ABCC1: variants seen among roughly 807,000 people sequenced by gnomAD.
ABCC1 encodes ATP binding cassette subfamily C member 1 (ABCC1 blood group), also known as multidrug resistance-associated protein 1.
A neutral mutation model predicts 172.9 loss-of-function variants in ABCC1; 83 were observed. The observed-to-expected ratio is 0.48, with a 90% CI of 0.40 to 0.58. The LOEUF (loss-of-function observed/expected upper bound fraction) is 0.58, where lower values mean the gene tolerates loss of function less well. ABCC1 is among the 20% of genes least tolerant of loss of function. The probability of loss-of-function intolerance (pLI) is 0.00; values close to 1 mark genes in which losing one functional copy is unlikely to be tolerated. For synonymous variants in ABCC1, 937 were observed against 825.2 expected, an observed-to-expected ratio of 1.14 and a Z score of -2.32; for missense variants, 1,817 against 2,002.7, an observed-to-expected ratio of 0.91 and a Z score of 1.77.
rs142359868 is a variant in ABCC1 at position 15,981,209 on chromosome 16, C to T, written c.49-26607C>T. On this transcript the variant is annotated intron_variant, in intron 1 of 30. Coordinates refer to ENST00000399410, the MANE Select transcript of ABCC1 (RefSeq NM_004996.4). Reference sequence around the variant, plus strand: ...TGAGTCTGCGGCTTTTCCAGGTGCACGGTGCAAGCTGTCCATGGATCTACC... The same window carrying T: ...TGAGTCTGCGGCTTTTCCAGGTGCATGGTGCAAGCTGTCCATGGATCTACC... 1.0e-3 allele frequency among the ~76,000 whole-genome samples: 152 copies of T among 152,328 alleles called. 3 individuals carry two copies. The highest frequency in any genetic ancestry group is 2.2e-3 in the African/African-American group (93 of 41,578).
At position 16,007,804 on chromosome 16, in the gene ABCC1, T is replaced by C; in HGVS notation, c.49-12T>C. ...TGTCCTGCTGACCCCTCGCCTGTGT[T>C]TGTGTTCGCAGGACTGGAATGTCAC... On this transcript the variant is annotated splice_polypyrimidine_tract_variant and intron_variant, in intron 1 of 30. Coordinates refer to ENST00000399410, the MANE Select transcript of ABCC1 (RefSeq NM_004996.4). The C allele has an allele frequency of 6.2e-7, 1 of 1,606,602 alleles. No homozygotes were observed. The highest frequency in any genetic ancestry group is 8.5e-7 in the Non-Finnish European group (1 of 1,176,398).
chr16:15,964,460 C>T (rs1278992499), intron 1 of ABCC1, among the ~76,000 whole-genome samples: 4 of 152,152 alleles, frequency 2.6e-5, no homozygotes, highest in Non-Finnish European at 5.9e-5. Flanking sequence ...CATGATGTCC[C>T]TTCCCTAATA....
chr16:16,118,424 CTTT>C (rs34770208), intron 23 of ABCC1, among the ~76,000 whole-genome samples: 2 of 106,000 alleles, frequency 1.9e-5, no homozygotes, highest in Non-Finnish European at 3.6e-5. Context: ...TTGGTGCCAG[CTTT>C]TTTTTTTTTT....
chr16:16,054,428 C>T (rs1245440103), intron 11 of ABCC1, among the ~76,000 whole-genome samples: 4 of 152,104 alleles, frequency 2.6e-5, no homozygotes, highest in African/African-American at 9.7e-5. Flanking sequence ...CAACCCGGTG[C>T]CTTTTGGTCT....
chr16:16,123,151 C>T lies in ABCC1; in HGVS notation c.3590+977C>T, dbSNP rs543433706. ...CCTGAATGATTACAGACCTTGACTT[C>T]CCTTCAGAATTTTTAGGGAGTTTGT... On this transcript the variant is annotated intron_variant, in intron 24 of 30. Transcript: ENST00000399410. 4.9e-4 allele frequency among the ~76,000 whole-genome samples: 75 copies of T among 152,240 alleles called. No individual in the cohort carries two copies. The South Asian group carries it at 0.015, about 31-fold the overall frequency.
intron 12 of ABCC1, among the ~76,000 whole-genome samples, chr16:16,062,800 G>C (rs867834311): frequency 6.6e-6 from 1 of 152,192 alleles, no homozygotes; most frequent in Admixed American, 6.5e-5. Flanking sequence ...CACAGAGGCC[G>C]GGGAAGGCCA....
chr16:16,004,942 G>A (rs111752535), intron 1 of ABCC1, among the ~76,000 whole-genome samples: 1,797 of 152,080 alleles, frequency 0.012, 42 homozygotes, highest in African/African-American at 0.042. Flanking sequence ...TGGGATTACA[G>A]GCATGAGCCA....
At chr16:16,108,001 CCTTAA>C (rs1219564825) in intron 21 of ABCC1, among the ~76,000 whole-genome samples, 2 of 151,922 alleles carry the variant, frequency 1.3e-5, no homozygotes, top group Non-Finnish European at 2.9e-5. Flanking sequence ...CTGGCTTCTT[CCTTAA>C]CTTGTCATCA....
At chr16:16,051,999 G>A (rs2049449686) in intron 10 of ABCC1, among the ~76,000 whole-genome samples, 1 of 152,166 alleles carries the variant, frequency 6.6e-6, no homozygotes, top group South Asian at 2.1e-4. Flanking sequence ...GGGAGGCAGA[G>A]GTGGGAAAGT....
rs79966875 is a variant in ABCC1, at chr16:15,961,875, G to C, written c.48+12076G>C. ...TTGGTGTCTATCAAGGTCATTCCCAGTTCCTGGTTTCTTGCTGTGATAAGC... is the reference window on the plus strand; with the variant it reads ...TTGGTGTCTATCAAGGTCATTCCCACTTCCTGGTTTCTTGCTGTGATAAGC... On this transcript the variant is annotated intron_variant, in intron 1 of 30. Transcript: ENST00000399410. 8.6e-5 allele frequency among the ~76,000 whole-genome samples: 13 copies of C among 150,356 alleles called. No homozygotes were observed. In the East Asian group the frequency reaches 2.5e-3, roughly 29 times the overall value.
At chr16:15,957,155 C>T (rs2046016241) in intron 1 of ABCC1, among the ~76,000 whole-genome samples, 1 of 151,968 alleles carries the variant, frequency 6.6e-6, no homozygotes, top group South Asian at 2.1e-4. Context: ...CCTCAGCTCA[C>T]TGCAGCCTCA....
At chr16:15,967,266 G>C (rs957954197) in intron 1 of ABCC1, among the ~76,000 whole-genome samples, 1 of 152,118 alleles carries the variant, frequency 6.6e-6, no homozygotes, top group African/African-American at 2.4e-5. Flanking sequence ...CCAAGTTCAG[G>C]AGCCTAGGTT....
At chr16:16,104,117 G>T (rs1474073145) in intron 20 of ABCC1, among the ~76,000 whole-genome samples, 2 of 152,158 alleles carry the variant, frequency 1.3e-5, no homozygotes, top group African/African-American at 4.8e-5. Context: ...CCTTGATGGT[G>T]AGTGTTACAG....
intron 5 of ABCC1, among the ~76,000 whole-genome samples, chr16:16,023,980 A>G (rs973970745): frequency 2.0e-5 from 3 of 152,052 alleles, no homozygotes; most frequent in Non-Finnish European, 4.4e-5. Flanking sequence ...GCACTTTGGG[A>G]GGCCGAGGCA....
At position 16,090,466 on chromosome 16, in the gene ABCC1, T is replaced by C. The variant is rs1462121804; in HGVS notation, c.2522T>C (p.Met841Thr). 1.1e-5 allele frequency: 17 copies of C among 1,613,804 alleles called. No individual in the cohort carries two copies. The highest frequency in any genetic ancestry group is 1.3e-5 in the African/African-American group (1 of 74,958). ...YLPQVDVIIV[M>T]SGGKISEMGS... ...CCGCAGGTGGACGTCATCATCGTCA[T>C]GAGTGGCGGCAAGATCTCTGAGATG... Residue 841 changes from methionine to threonine, a missense_variant, in exon 19 of 31, where the codon ATG becomes ACG. By Grantham distance (81) the Met-to-Thr change is moderately conservative. Transcript: ENST00000399410.
Position 16,087,614 on chromosome 16 carries a change from C to T in ABCC1, c.2460+623C>T, listed in dbSNP as rs139838736. The stretch of plus-strand genomic sequence containing the variant: ...CTGGGATTACAGGTGCCCACCACCA[C>T]GCCTGGCTAATTTTTTTTATTTTTA... On this transcript the variant is annotated intron_variant, in intron 18 of 30. Transcript: ENST00000399410. Among the ~76,000 whole-genome samples the T allele has an allele frequency of 6.1e-3, 927 of 152,234 alleles. 6 individuals are homozygous for T. Among genetic ancestry groups the T allele is most frequent in the Non-Finnish European group, 8.7e-3 (591 of 68,016 alleles).
chr16:16,071,727 A>C lies in ABCC1; in HGVS notation c.1910A>C (p.Asp637Ala). The change falls in exon 14 of 31, where the codon GAC becomes GCC. Residue 637 changes from aspartate (D) to alanine (A), a missense_variant and splice_region_variant. Asp to Ala is a moderately radical substitution (Grantham distance 126). This residue lies in a region of ABCC1 where 1,412 missense variants were observed against 1,600.3 expected (regional missense o/e 0.88). Coordinates refer to ENST00000399410, the MANE Select transcript of ABCC1 (RefSeq NM_004996.4). The part of the protein sequence containing the change: ...PDSIERRPVK[D>A]GGGTNSITVR... ...AGCATCGAGCGACGGCCTGTCAAAG[A>C]CGGTGTGTGTGTGTTCAGTCCTGGC... The C allele has an allele frequency of 6.2e-7, 1 of 1,613,104 alleles. No individual in the cohort carries two copies. The highest frequency in any genetic ancestry group is 8.5e-7 in the Non-Finnish European group (1 of 1,179,628).
intron 1 of ABCC1, among the ~76,000 whole-genome samples, chr16:15,958,731 G>A (rs982995818): frequency 1.3e-5 from 2 of 152,194 alleles, no homozygotes; most frequent in Non-Finnish European, 2.9e-5. Flanking sequence ...CAGCATCCCT[G>A]TGGGTGGAGT....
At chr16:15,952,403 T>A (rs994758137) in intron 1 of ABCC1, among the ~76,000 whole-genome samples, 5 of 151,990 alleles carry the variant, frequency 3.3e-5, no homozygotes, top group Non-Finnish European at 7.4e-5. Flanking sequence ...TCAAGGTCAG[T>A]GGGCCTCGGG....
Sources: gnomAD v4.1 joint callset for allele counts (sites outside exome capture counted in the v4.1 genomes callset) on GRCh38, gnomAD v4.1.1 for gene constraint, gnomAD v4.1.1 regional missense constraint, MANE v1.5 for transcripts, NCBI Gene and HGNC (gene_info 2026-07-23, HGNC 2026-07-21) for gene names.